BANF2: variants seen among roughly 807,000 people sequenced by gnomAD.
BANF2 encodes barrier-to-autointegration factor-like protein.
A neutral mutation model predicts 8.0 loss-of-function variants in BANF2; 4 were observed. The ratio of observed to expected loss-of-function variants is 0.50; its 90% confidence interval spans 0.25 to 1.14. BANF2 has a LOEUF of 1.14. Among genes scored for constraint, BANF2 ranks in the 50% most tolerant of loss-of-function variants. BANF2 has a pLI of 0.16. For missense variants in BANF2, 96 were observed against 107.5 expected, an observed-to-expected ratio of 0.89 and a Z score of 0.47; for synonymous variants, 50 against 40.6, an observed-to-expected ratio of 1.23 and a Z score of -0.88.
At chr20:17,710,235 A>T (rs1357036140) in intron 1 of BANF2, among the ~76,000 whole-genome samples, 1 of 151,978 alleles carries the variant, frequency 6.6e-6, no homozygotes, top group African/African-American at 2.4e-5. Flanking sequence ...CCTGGGGGGG[A>T]CATGGGCAGG....
intron 1 of BANF2, among the ~76,000 whole-genome samples, chr20:17,704,133 G>A (rs1000418175): frequency 1.3e-5 from 2 of 152,244 alleles, no homozygotes; most frequent in African/African-American, 2.4e-5. Context: ...GCCATAGGGC[G>A]AGAGCCCAGA....
rs2037384400 is a variant in BANF2 at position 17,699,986 on chromosome 20, G to A, written c.-236G>A. On this transcript the variant is annotated 5_prime_UTR_variant, in exon 1 of 4. Coordinates refer to ENST00000246090, the MANE Select transcript of BANF2 (RefSeq NM_178477.5). ...GGCCTAAGACATAAGCTGAACCTCT[G>A]GCCTGCAGTTCCAGATCCAAGGTGA... The A allele has an allele frequency of 2.0e-6, 2 of 985,262 alleles. No individual in the cohort carries two copies. The highest frequency in any genetic ancestry group is 3.5e-5 in the African/African-American group (2 of 57,208). 61.0% of individuals were successfully genotyped at this position (985,262 alleles called of 1,614,324 possible). A position where few individuals can be genotyped will look rare whatever the true frequency, so the allele number is the denominator to read the frequency against.
chr20:17,703,740 C>CTTTTT (rs373982840), intron 1 of BANF2, among the ~76,000 whole-genome samples: 1 of 122,598 alleles, frequency 8.2e-6, no homozygotes, highest in African/African-American at 3.3e-5. Flanking sequence ...AGTAGGCTGA[C>CTTTTT]TTTTTTTTTT....
intron 3 of BANF2, among the ~76,000 whole-genome samples, chr20:17,733,789 A>G (rs2122660070): frequency 6.6e-6 from 1 of 152,354 alleles, no homozygotes; most frequent in East Asian, 1.9e-4. Context: ...CAACTGGACC[A>G]TGACTAAAAA....
At chr20:17,705,378 C>T (rs1333735848) in intron 1 of BANF2, among the ~76,000 whole-genome samples, 4 of 152,190 alleles carry the variant, frequency 2.6e-5, no homozygotes, top group African/African-American at 7.2e-5. Context: ...TCCAGAGGGC[C>T]CACAGCTAAC....
In BANF2 at chr20:17,700,594, C is replaced by T. The variant is rs182125282; in HGVS notation, c.-167+539C>T. On this transcript the variant is annotated intron_variant, in intron 1 of 3. Transcript: ENST00000246090. The stretch of plus-strand genomic sequence containing the variant: ...GACCTGCTGGTATATCAAATCACTT[C>T]CTTTCCTTTTGGGACAGTAAGAGAG... Among the ~76,000 whole-genome samples the T allele has an allele frequency of 1.7e-3, 263 of 152,306 alleles. 1 individual carries two copies. Among genetic ancestry groups the T allele is most frequent in the African/African-American group, 5.6e-3 (232 of 41,564 alleles).
At chr20:17,718,804 G>A (rs896734286) in intron 1 of BANF2, among the ~76,000 whole-genome samples, 4 of 152,160 alleles carry the variant, frequency 2.6e-5, no homozygotes, top group Admixed American at 2.0e-4. Context: ...AAAAGTTGAC[G>A]CTCTAAGCAT....
intron 1 of BANF2, among the ~76,000 whole-genome samples, chr20:17,707,705 G>A (rs2037503847): frequency 6.6e-6 from 1 of 151,936 alleles, no homozygotes; most frequent in East Asian, 2.0e-4. Context: ...TCAGCTTCCC[G>A]AGTAGCTGGG....
chr20:17,705,040 T>C (rs1302091283), intron 1 of BANF2, among the ~76,000 whole-genome samples: 1 of 152,120 alleles, frequency 6.6e-6, no homozygotes, highest in African/African-American at 2.4e-5. Flanking sequence ...GGAGGATGTG[T>C]TACCTCATTG....
chr20:17,695,445 C>CAAAAAAAAAAAAAAA, upstream of BANF2, among the ~76,000 whole-genome samples: 1 of 51,358 alleles, frequency 1.9e-5, no homozygotes, highest in Non-Finnish European at 3.3e-5. Flanking sequence ...GACCTTGTCT[C>CAAAAAAAAAAAAAAA]AAAAAAAAAA....
intron 1 of BANF2, among the ~76,000 whole-genome samples, chr20:17,704,305 G>A (rs575433225): frequency 6.6e-6 from 1 of 152,340 alleles, no homozygotes; most frequent in Non-Finnish European, 1.5e-5. Flanking sequence ...TAGTTAAGAT[G>A]CAGATTTAGT....
Position 17,735,744 on chromosome 20 carries a change from G to T in BANF2, c.206G>T (p.Gly69Val). ...CAGAGGTGGCTCATTTGCTGTTTTG[G>T]TGCCACTGAGTGTGAGGCCCAGCAG... Reference protein sequence around the residue: ...EFQRWLICCFGATECEAQQTS... With the variant: ...EFQRWLICCFVATECEAQQTS... Residue 69 changes from glycine (G) to valine (V), a missense_variant, in exon 4 of 4, where the codon GGT (glycine) becomes GTT (valine). Physicochemically the swap from Gly to Val is moderately radical, Grantham distance 109 (BLOSUM62 -3). Transcript: ENST00000246090. The T allele has an allele frequency of 5.6e-6, 9 of 1,613,934 alleles. No individual in the cohort carries two copies. Among genetic ancestry groups the T allele is most frequent in the Non-Finnish European group, 7.6e-6 (9 of 1,179,890 alleles).
chr20:17,730,250 G>T (rs114977827), intron 3 of BANF2, among the ~76,000 whole-genome samples: 4,863 of 152,238 alleles, frequency 0.032, 283 homozygotes, highest in African/African-American at 0.11. Flanking sequence ...AAGTGGAGAC[G>T]CATAGAGACC....
intron 1 of BANF2, among the ~76,000 whole-genome samples, chr20:17,707,930 G>A (rs767446364): frequency 1.3e-5 from 2 of 151,544 alleles, no homozygotes; most frequent in African/African-American, 4.8e-5. Context: ...GGCTGGACAC[G>A]GTGTCTCATG....
intron 1 of BANF2, among the ~76,000 whole-genome samples, chr20:17,719,255 G>C (rs1418200097): frequency 2.6e-5 from 4 of 152,112 alleles, no homozygotes; most frequent in African/African-American, 4.8e-5. Context: ...CTTCCGAGTA[G>C]CTGGAATTAC....
upstream of BANF2, among the ~76,000 whole-genome samples, chr20:17,698,733 G>T (rs2037372239): frequency 6.6e-6 from 1 of 152,206 alleles, no homozygotes; most frequent in African/African-American, 2.4e-5. Context: ...AGGCCAAGAG[G>T]CTATGGGCAG....
intron 1 of BANF2, among the ~76,000 whole-genome samples, chr20:17,712,907 G>T (rs1220174313): frequency 1.3e-5 from 2 of 152,062 alleles, no homozygotes; most frequent in Non-Finnish European, 2.9e-5. Context: ...ATGAATGGAG[G>T]AGCAAAATGT....
intron 2 of BANF2, among the ~76,000 whole-genome samples, chr20:17,723,187 T>C (rs1253051900): frequency 1.3e-5 from 2 of 152,146 alleles, no homozygotes; most frequent in East Asian, 3.9e-4. Flanking sequence ...CCCATGGGCT[T>C]TGAGGGACAC....
intron 1 of BANF2, among the ~76,000 whole-genome samples, chr20:17,715,439 G>A (rs1400362944): frequency 1.3e-5 from 2 of 152,176 alleles, no homozygotes; most frequent in African/African-American, 4.8e-5. Flanking sequence ...ATCACCTGTA[G>A]ACCCATCAAG....
Sources: allele counts gnomAD v4.1 joint callset (sites outside exome capture counted in the v4.1 genomes callset), GRCh38; gene constraint gnomAD v4.1.1; transcripts MANE v1.5; gene names NCBI Gene and HGNC (gene_info 2026-07-23, HGNC 2026-07-21).